CLSTN1: variants seen among roughly 807,000 people sequenced by gnomAD.
The protein encoded by CLSTN1 is calsyntenin-1.
Under a neutral mutation model 108.3 loss-of-function variants are expected in CLSTN1, and 28 were observed. The ratio of observed to expected loss-of-function variants is 0.26; its 90% CI spans 0.19 to 0.35. The LOEUF (loss-of-function observed/expected upper bound fraction) is 0.35. Among genes scored for constraint, CLSTN1 ranks in the 10% least tolerant of loss-of-function variants. The probability of loss-of-function intolerance (pLI) is 1.00; values close to 1 mark genes in which losing one functional copy is unlikely to be tolerated. For synonymous variants in CLSTN1, 524 were observed against 534.9 expected (o/e 0.98, Z 0.28); for missense variants, 1,157 against 1,302.6 (o/e 0.89, Z 1.72).
intron 1 of CLSTN1, among the ~76,000 whole-genome samples, chr1:9,782,723 C>T (rs1653303944): frequency 6.6e-6 from 1 of 152,136 alleles, no homozygotes. Flanking sequence ...AGGCTAGACC[C>T]GGGCCGGGCG....
In CLSTN1 at chr1:9,729,924, C is replaced by CGTGCTCT. The variant is rs1168806060; in HGVS notation, c.*583_*584insAGAGCAC. Reference sequence around the variant, plus strand: ...GAGGGAGGACCCGGCGGGAAGAGCCCGTGCTCAGAGCTCCGAACTTCACTT... The same window carrying CGTGCTCT: ...GAGGGAGGACCCGGCGGGAAGAGCCCGTGCTCTGTGCTCAGAGCTCCGAACTTCACTT... On this transcript the variant is annotated 3_prime_UTR_variant, in exon 19 of 19. Coordinates refer to ENST00000377298, the MANE Select transcript of CLSTN1 (RefSeq NM_001009566.3). 2 of 155,740 alleles carry CGTGCTCT rather than the reference C, an allele frequency of 1.3e-5. No homozygotes were observed. Among genetic ancestry groups the CGTGCTCT allele is most frequent in the Non-Finnish European group, 2.9e-5 (2 of 70,140 alleles). The allele number at this position is 155,740 out of a possible 1,614,324, so 9.6% of individuals were successfully genotyped here.
chr1:9,755,380 C>G lies in CLSTN1; in HGVS notation c.245-71G>C, dbSNP rs966044969. The G allele has an allele frequency of 5.6e-6, 7 of 1,256,224 alleles. No homozygotes were observed. The African/African-American group carries it at 7.5e-5, about 13-fold the overall frequency. The allele number at this position is 1,256,224 out of a possible 1,614,324, so 77.8% of individuals were successfully genotyped here. A position where few individuals can be genotyped will look rare whatever the true frequency, so the allele number is the denominator to read the frequency against. The stretch of plus-strand genomic sequence containing the variant: ...CTTCTGCACCTTGCCCTCCTCCCCC[C>G]ATCTCCACCCCCAAAGAAAATAAAT... On this transcript the variant is annotated intron_variant, in intron 3 of 18. Coordinates refer to ENST00000377298, the MANE Select transcript of CLSTN1 (RefSeq NM_001009566.3).
intron 1 of CLSTN1, among the ~76,000 whole-genome samples, chr1:9,775,555 A>G (rs1652898869): frequency 6.6e-6 from 1 of 151,784 alleles, no homozygotes; most frequent in African/African-American, 2.4e-5. Flanking sequence ...TCCCTCCCTG[A>G]GCCAGCAGTA....
intron 2 of CLSTN1, among the ~76,000 whole-genome samples, chr1:9,772,143 T>TGC (rs1166669338): frequency 2.8e-5 from 1 of 35,612 alleles, no homozygotes; most frequent in Non-Finnish European, 6.4e-5. Context: ...CACCCGGCTT[T>TGC]TTTTTTTTTT....
At chr1:9,815,196 C>T (rs750834077) in intron 1 of CLSTN1, among the ~76,000 whole-genome samples, 4 of 152,070 alleles carry the variant, frequency 2.6e-5, no homozygotes, top group Admixed American at 1.3e-4. Flanking sequence ...AATACAAAGG[C>T]GTGATAAAAT....
intron 1 of CLSTN1, among the ~76,000 whole-genome samples, chr1:9,795,181 T>C (rs887411510): frequency 1.5e-4 from 22 of 151,112 alleles, no homozygotes; most frequent in Non-Finnish European, 2.9e-5. Flanking sequence ...TTTTTTTTTT[T>C]TGAGGTGGAG....
At chr1:9,792,473 G>A (rs1314396502) in intron 1 of CLSTN1, among the ~76,000 whole-genome samples, 4 of 151,530 alleles carry the variant, frequency 2.6e-5, no homozygotes, top group Non-Finnish European at 4.4e-5. Context: ...GGTGAGATGC[G>A]CAGGAAGGGC....
intron 2 of CLSTN1, among the ~76,000 whole-genome samples, chr1:9,757,887 C>T (rs893320355): frequency 6.6e-6 from 1 of 152,030 alleles, no homozygotes; most frequent in Non-Finnish European, 1.5e-5. Context: ...CCTGAATTCC[C>T]TTGCTTTGCT....
Position 9,733,958 on chromosome 1 carries a change from A to G in CLSTN1, c.2281+14T>C. 6.3e-7 allele frequency: 1 copy of G among 1,598,982 alleles called. No homozygotes were observed. Among genetic ancestry groups the G allele is most frequent in the Non-Finnish European group, 8.5e-7 (1 of 1,170,872 alleles). ...CAGCCTGGCCCACCTGCGTGGCTGC[A>G]GCGCTCCCCTTACCTGTGAAGGTCA... is the stretch of plus-strand genomic sequence containing the variant. On this transcript the variant is annotated intron_variant, in intron 15 of 18. Transcript: ENST00000377298.
intron 1 of CLSTN1, among the ~76,000 whole-genome samples, chr1:9,802,889 A>G (rs1193743440): frequency 2.0e-5 from 3 of 150,640 alleles, no homozygotes; most frequent in Admixed American, 6.7e-5. Context: ...CAGTGACACA[A>G]TCAGGGCTCA....
chr1:9,778,957 A>G (rs530587679), intron 1 of CLSTN1, among the ~76,000 whole-genome samples: 4 of 151,300 alleles, frequency 2.6e-5, no homozygotes, highest in African/African-American at 9.7e-5. Context: ...CAGGAGGCAG[A>G]GGTTGCAGTG....
chr1:9,797,788 T>C (rs1570506444), intron 1 of CLSTN1, among the ~76,000 whole-genome samples: 1 of 152,064 alleles, frequency 6.6e-6, no homozygotes, highest in South Asian at 2.1e-4. Context: ...TTCCCTTTCC[T>C]GGCAGGAATG....
intron 2 of CLSTN1, among the ~76,000 whole-genome samples, chr1:9,768,920 T>A (rs1284614841): frequency 1.2e-5 from 1 of 83,236 alleles, no homozygotes; most frequent in African/African-American, 4.9e-5. Flanking sequence ...AGGGAGAAAG[T>A]AAAGGAGAAA....
At chr1:9,777,217 C>G (rs1159512927) in intron 1 of CLSTN1, among the ~76,000 whole-genome samples, 7 of 51,170 alleles carry the variant, frequency 1.4e-4, no homozygotes, top group Admixed American at 2.3e-4. Context: ...GAGACTGTCT[C>G]AAAAAAAAAA....
At chr1:9,774,008 T>C (rs1430606192) in intron 1 of CLSTN1, among the ~76,000 whole-genome samples, 2 of 152,044 alleles carry the variant, frequency 1.3e-5, no homozygotes, top group Non-Finnish European at 2.9e-5. Context: ...TCCCAAAGTG[T>C]TGGGATTACA....
chr1:9,801,481 G>A (rs1453890195), intron 1 of CLSTN1, among the ~76,000 whole-genome samples: 1 of 152,166 alleles, frequency 6.6e-6, no homozygotes, highest in Admixed American at 6.5e-5. Context: ...AAACATTTAA[G>A]GAAGAAATTA....
intron 1 of CLSTN1, among the ~76,000 whole-genome samples, chr1:9,802,381 T>C (rs1284463955): frequency 1.3e-5 from 2 of 152,220 alleles, no homozygotes; most frequent in African/African-American, 2.4e-5. Context: ...AGACCATTTC[T>C]AAAGCTCTTG....
At chr1:9,777,101 A>G (rs1282784718) in intron 1 of CLSTN1, among the ~76,000 whole-genome samples, 1 of 149,980 alleles carries the variant, frequency 6.7e-6, no homozygotes, top group African/African-American at 2.5e-5. Context: ...GCACCTGTAG[A>G]CCCAGCTTCT....
chr1:9,807,706 G>A (rs904383915), intron 1 of CLSTN1, among the ~76,000 whole-genome samples: 13 of 152,174 alleles, frequency 8.5e-5, no homozygotes, highest in South Asian at 4.1e-4. Context: ...CACCGCCCCC[G>A]GTTGTGGCTC....
Sources: gnomAD v4.1 joint callset for allele counts (sites outside exome capture counted in the v4.1 genomes callset) on GRCh38, gnomAD v4.1.1 for gene constraint, MANE v1.5 for transcripts, NCBI Gene and HGNC (gene_info 2026-07-23, HGNC 2026-07-21) for gene names.